The following ATP6V0A1 variants were observed in gnomAD, a reference collection of about 807,000 sequenced individuals.
ATP6V0A1 encodes the protein ATPase H+ transporting V0 subunit a1.
A neutral mutation model predicts 105.4 loss-of-function variants in ATP6V0A1; 43 were observed. The observed-to-expected ratio is 0.41, with a 90% CI of 0.32 to 0.53. The LOEUF (loss-of-function observed/expected upper bound fraction) is 0.53, where lower values mean the gene tolerates loss of function less well. Ranked by LOEUF, ATP6V0A1 falls within the 20% of genes least tolerant of loss-of-function variation. ATP6V0A1 has a pLI of 0.30. For synonymous variants in ATP6V0A1, 362 were observed against 372.8 expected (o/e 0.97, Z 0.33); for missense variants, 676 against 1,051.1 (o/e 0.64, Z 4.93).
chr17:42,483,396 C>T lies in ATP6V0A1; in HGVS notation c.810+265C>T, dbSNP rs567502703. 3.9e-5 allele frequency among the ~76,000 whole-genome samples: 6 copies of T among 151,982 alleles called. No individual in the cohort carries two copies. The South Asian group carries it at 1.0e-3, about 26-fold the overall frequency. ...GCCTAGCATATTCAATTCCTCTCCA[C>T]CTCATGGGTCTGAGATTTTTTTTTT... On this transcript the variant is annotated intron_variant, in intron 9 of 21. Transcript: ENST00000343619.
At chr17:42,461,854 C>G (rs2086444207) in intron 2 of ATP6V0A1, among the ~76,000 whole-genome samples, 2 of 152,068 alleles carry the variant, frequency 1.3e-5, no homozygotes, top group South Asian at 4.1e-4. Flanking sequence ...TGCTTAACAT[C>G]TATTGGCTCT....
At chr17:42,479,939 G>T (rs868208427) in intron 7 of ATP6V0A1, among the ~76,000 whole-genome samples, 7 of 152,136 alleles carry the variant, frequency 4.6e-5, no homozygotes, top group African/African-American at 7.2e-5. Context: ...TTCTAGTTTA[G>T]CCTACAGAAT....
chr17:42,493,064 C>T (rs1336294140), intron 11 of ATP6V0A1, among the ~76,000 whole-genome samples: 1 of 152,128 alleles, frequency 6.6e-6, no homozygotes, highest in African/African-American at 2.4e-5. Flanking sequence ...CCCTCACAGC[C>T]CTAAAACACC....
At chr17:42,472,407 A>T (rs947882495) in intron 5 of ATP6V0A1, among the ~76,000 whole-genome samples, 4 of 151,826 alleles carry the variant, frequency 2.6e-5, no homozygotes, top group Non-Finnish European at 4.4e-5. Context: ...TTAAATTTAT[A>T]TATATAGTTT....
At chr17:42,515,055 T>C (rs1450231477) in intron 21 of ATP6V0A1, among the ~76,000 whole-genome samples, 1 of 152,086 alleles carries the variant, frequency 6.6e-6, no homozygotes, top group African/African-American at 2.4e-5. Context: ...TAATGAAGCT[T>C]GTGACTCTTA....
At chr17:42,520,169 G>A in intron 21 of ATP6V0A1, 1 of 333,008 alleles carries the variant, frequency 3.0e-6, no homozygotes, top group Non-Finnish European at 5.9e-6. Flanking sequence ...GGGTCACACA[G>A]CACCATGTGG....
chr17:42,494,925 G>A, intron 12 of ATP6V0A1, 109 bp from the exon 13 acceptor site: 1 of 1,199,962 alleles, frequency 8.3e-7, no homozygotes. Flanking sequence ...TCTGAATCAG[G>A]ATGGGGTAAA....
intron 11 of ATP6V0A1, among the ~76,000 whole-genome samples, chr17:42,493,827 G>C (rs945009766): frequency 2.0e-5 from 3 of 152,056 alleles, no homozygotes; most frequent in Non-Finnish European, 2.9e-5. Context: ...TTTAAAAAAA[G>C]TTATCAGTAG....
chr17:42,520,833 T>C (rs551396062), intron 21 of ATP6V0A1, 194 bp from the exon 22 acceptor site: 2 of 588,384 alleles, frequency 3.4e-6, no homozygotes, highest in Non-Finnish European at 6.1e-6. Flanking sequence ...GCAAATCCCT[T>C]CCTCCGTGCG....
At chr17:42,499,874 A>C (rs994177656) in intron 15 of ATP6V0A1, among the ~76,000 whole-genome samples, 3 of 152,174 alleles carry the variant, frequency 2.0e-5, no homozygotes, top group African/African-American at 7.2e-5. Context: ...TCCTTGAAAA[A>C]AACTTGAGCA....
intron 2 of ATP6V0A1, among the ~76,000 whole-genome samples, chr17:42,461,956 C>T (rs1319536198): frequency 6.7e-6 from 1 of 149,494 alleles, no homozygotes; most frequent in African/African-American, 2.5e-5. Flanking sequence ...CCTGAAATGC[C>T]AGTACTTTGA....
At position 42,483,035 on chromosome 17, in the gene ATP6V0A1, C is replaced by A; in HGVS notation, c.717-3C>A. 1 of 1,468,646 alleles carries A rather than the reference C, an allele frequency of 6.8e-7. No individual in the cohort carries two copies. Among genetic ancestry groups the A allele is most frequent in the Non-Finnish European group, 9.1e-7 (1 of 1,103,270 alleles). 91.0% of individuals were successfully genotyped at this position (1,468,646 alleles called of 1,614,324 possible). On this transcript the variant is annotated splice_region_variant and splice_polypyrimidine_tract_variant and intron_variant, in intron 8 of 21. Transcript: ENST00000343619. ...AAGAAACTTCGATGTTCTTATATTCCAGGTTCCGAGCCTCACTCTATCCCT... is the reference window on the plus strand; with the variant it reads ...AAGAAACTTCGATGTTCTTATATTCAAGGTTCCGAGCCTCACTCTATCCCT...
At chr17:42,513,430 C>T (rs555428907) in intron 19 of ATP6V0A1, 1 of 167,066 alleles carries the variant, frequency 6.0e-6, no homozygotes, top group South Asian at 1.5e-4. Flanking sequence ...GAAGCGCACT[C>T]TGGGGAAAAT....
At chr17:42,464,863 C>T (rs1475716524) in intron 2 of ATP6V0A1, among the ~76,000 whole-genome samples, 1 of 152,104 alleles carries the variant, frequency 6.6e-6, no homozygotes, top group African/African-American at 2.4e-5. Flanking sequence ...CTATTTGGTG[C>T]TTCATAAATG....
intron 17 of ATP6V0A1, among the ~76,000 whole-genome samples, chr17:42,506,729 G>T (rs1176808521): frequency 1.3e-5 from 2 of 151,856 alleles, no homozygotes; most frequent in Admixed American, 6.5e-5. Context: ...TTTTTGCTTT[G>T]GGTTTGGAAA....
intron 11 of ATP6V0A1, among the ~76,000 whole-genome samples, chr17:42,492,814 G>A (rs113339028): frequency 0.014 from 2,107 of 151,176 alleles, 27 homozygotes; most frequent in Non-Finnish European, 0.023. Flanking sequence ...TCAGGAGTTC[G>A]AGACCAGCCT....
At position 42,501,323 on chromosome 17, in the gene ATP6V0A1, C is replaced by T; in HGVS notation, c.2004+19C>T. The T allele has an allele frequency of 6.4e-7, 1 of 1,574,324 alleles. No homozygotes were observed. Among genetic ancestry groups the T allele is most frequent in the Non-Finnish European group, 8.7e-7 (1 of 1,146,832 alleles). On this transcript the variant is annotated intron_variant, in intron 17 of 21. Coordinates refer to ENST00000343619, the MANE Select transcript of ATP6V0A1 (RefSeq NM_001130021.3). The stretch of plus-strand genomic sequence containing the variant: ...GCATTTGGTAGGTGTATTTCTATTG[C>T]TAAAAGTTACTAGACTTTTGTTTTG...
rs1204152345 is a variant in ATP6V0A1 at position 42,502,370 on chromosome 17, A to C, written c.2004+1066A>C. On this transcript the variant is annotated intron_variant, in intron 17 of 21. Transcript: ENST00000343619. The stretch of plus-strand genomic sequence containing the variant: ...TTTCCTTTCAAATGAGACTGTGATA[A>C]CTTTCACTGACCAAAACATCTGGGA... Among the ~76,000 whole-genome samples the C allele has an allele frequency of 2.6e-5, 4 of 152,218 alleles. No homozygotes were observed. The East Asian group carries it at 7.7e-4, about 29-fold the overall frequency.
intron 9 of ATP6V0A1, among the ~76,000 whole-genome samples, chr17:42,485,790 C>CA (rs1185209678): frequency 1.3e-5 from 2 of 152,126 alleles, no homozygotes; most frequent in African/African-American, 4.8e-5. Flanking sequence ...CTCTTGACCT[C>CA]AAACAATCCT....
Sources: gnomAD v4.1 joint callset for allele counts (sites outside exome capture counted in the v4.1 genomes callset) on GRCh38, gnomAD v4.1.1 for gene constraint, MANE v1.5 for transcripts, NCBI Gene and HGNC (gene_info 2026-07-23, HGNC 2026-07-21) for gene names.